Variants in PRKG1 observed in about 807,000 individuals in gnomAD.
The protein encoded by PRKG1 is cGMP-dependent protein kinase 1.
A neutral mutation model predicts 88.1 loss-of-function variants in PRKG1; 35 were observed. The observed-to-expected ratio is 0.40, with a 90% confidence interval of 0.30 to 0.53. The LOEUF (loss-of-function observed/expected upper bound fraction) is 0.53. Ranked by LOEUF, PRKG1 falls within the 20% of genes least tolerant of loss-of-function variation. The pLI is 0.59. For missense variants in PRKG1, 540 were observed against 839.8 expected, an observed-to-expected ratio of 0.64 and a Z score of 4.41; for synonymous variants, 303 against 292.5, an observed-to-expected ratio of 1.04 and a Z score of -0.37.
chr10:52,223,003 C>G (rs1394093510), intron 9 of PRKG1, among the ~76,000 whole-genome samples: 2 of 152,138 alleles, frequency 1.3e-5, no homozygotes, highest in African/African-American at 4.8e-5. Flanking sequence ...TAACATTTCA[C>G]TGTGTACCAG....
At chr10:52,175,830 T>G (rs1047818814) in intron 9 of PRKG1, among the ~76,000 whole-genome samples, 1 of 152,198 alleles carries the variant, frequency 6.6e-6, no homozygotes, top group African/African-American at 2.4e-5. Flanking sequence ...TTGCCCATTT[T>G]TTAATCCCAT....
intron 2 of PRKG1, among the ~76,000 whole-genome samples, chr10:51,166,916 A>G (rs1168412417): frequency 6.6e-6 from 1 of 152,130 alleles, no homozygotes; most frequent in Non-Finnish European, 1.5e-5. Flanking sequence ...TATATAATGA[A>G]CTTCCTTTTG....
intron 2 of PRKG1, among the ~76,000 whole-genome samples, chr10:51,267,535 G>A (rs1205696258): frequency 1.3e-5 from 2 of 151,930 alleles, no homozygotes; most frequent in Non-Finnish European, 2.9e-5. Flanking sequence ...TACTAAGCTG[G>A]TTTACTACAG....
chr10:51,573,898 T>A (rs1837819698), intron 3 of PRKG1, among the ~76,000 whole-genome samples: 1 of 151,944 alleles, frequency 6.6e-6, no homozygotes, highest in Non-Finnish European at 1.5e-5. Context: ...TAGACTGGGT[T>A]GTAAACCACT....
chr10:51,290,534 C>T (rs1287897393), intron 2 of PRKG1, among the ~76,000 whole-genome samples: 1 of 152,100 alleles, frequency 6.6e-6, no homozygotes, highest in Non-Finnish European at 1.5e-5. Context: ...CCACTTAGCT[C>T]TCAAATCTAT....
At chr10:51,705,521 T>A (rs1462169146) in intron 3 of PRKG1, among the ~76,000 whole-genome samples, 1 of 152,250 alleles carries the variant, frequency 6.6e-6, no homozygotes, top group Non-Finnish European at 1.5e-5. Flanking sequence ...AATTGTTTCC[T>A]GATTTTTAAC....
Position 52,280,935 on chromosome 10 carries a change from G to A in PRKG1, c.1545+5G>A. ...CACCGAGGTTATGCCAAACTGGTCA[G>A]TGCATTTCATACGTGCTTTCTGCCC... is the stretch of plus-strand genomic sequence containing the variant. On this transcript the variant is annotated splice_donor_5th_base_variant and intron_variant, in intron 13 of 17. Transcript: ENST00000373980. 6.2e-7 allele frequency: 1 copy of A among 1,611,860 alleles called. No individual in the cohort carries two copies.
chr10:51,811,890 C>T (rs770947996), intron 4 of PRKG1, among the ~76,000 whole-genome samples: 1 of 152,178 alleles, frequency 6.6e-6, no homozygotes, highest in Non-Finnish European at 1.5e-5. Context: ...ACCTGATGCT[C>T]ATGCAGCTAG....
intron 7 of PRKG1, among the ~76,000 whole-genome samples, chr10:52,070,390 A>G (rs1443796331): frequency 1.3e-5 from 2 of 152,206 alleles, no homozygotes; most frequent in African/African-American, 2.4e-5. Flanking sequence ...ATTCCTTTGT[A>G]GGTAAACTGT....
chr10:51,912,940 T>C (rs981306909), intron 5 of PRKG1, among the ~76,000 whole-genome samples: 2 of 145,018 alleles, frequency 1.4e-5, no homozygotes, highest in East Asian at 1.9e-4. Context: ...TTTATTATTA[T>C]TTTTTTGAGA....
At chr10:51,306,307 G>C (rs1335950065) in intron 2 of PRKG1, among the ~76,000 whole-genome samples, 1 of 152,110 alleles carries the variant, frequency 6.6e-6, no homozygotes, top group African/African-American at 2.4e-5. Flanking sequence ...TCACAGGCGA[G>C]AATGACAAGT....
At chr10:51,503,128 T>C (rs1841081040) in intron 3 of PRKG1, among the ~76,000 whole-genome samples, 1 of 152,126 alleles carries the variant, frequency 6.6e-6, no homozygotes, top group East Asian at 1.9e-4. Flanking sequence ...TTGTTAGCCA[T>C]CTTGAACGTA....
At chr10:50,992,523 G>A (rs1490570345) in intron 1 of PRKG1, among the ~76,000 whole-genome samples, 2 of 152,102 alleles carry the variant, frequency 1.3e-5, no homozygotes, top group East Asian at 3.9e-4. Context: ...CCCTGGAAAA[G>A]TTGGGATGAA....
rs73333888 is a variant in PRKG1, at chr10:51,123,388, A to G, written c.312-29776A>G. On this transcript the variant is annotated intron_variant, in intron 1 of 17. Coordinates refer to ENST00000373980, the MANE Select transcript of PRKG1 (RefSeq NM_006258.4). ...CGTATTAGGCCTTTCTTGCGTTGCTATAAATAAATACCTGAGCCCGGGCCT... is the reference window on the plus strand; with the variant it reads ...CGTATTAGGCCTTTCTTGCGTTGCTGTAAATAAATACCTGAGCCCGGGCCT... 6.0e-3 allele frequency among the ~76,000 whole-genome samples: 912 copies of G among 152,256 alleles called. 16 individuals are homozygous for G. The highest frequency in any genetic ancestry group is 0.021 in the African/African-American group (864 of 41,546).
At chr10:50,994,140 C>T (rs1051379251) in intron 1 of PRKG1, among the ~76,000 whole-genome samples, 1 of 152,116 alleles carries the variant, frequency 6.6e-6, no homozygotes. Flanking sequence ...CAAGCTGACT[C>T]ATTAGAGTTT....
intron 1 of PRKG1, among the ~76,000 whole-genome samples, chr10:51,014,214 G>C (rs889287688): frequency 6.6e-6 from 1 of 151,984 alleles, no homozygotes; most frequent in African/African-American, 2.4e-5. Flanking sequence ...AATCTGCCAT[G>C]TTGCTTCCTG....
At chr10:51,016,278 C>T (rs1240005798) in intron 1 of PRKG1, among the ~76,000 whole-genome samples, 2 of 152,144 alleles carry the variant, frequency 1.3e-5, no homozygotes, top group African/African-American at 2.4e-5. Context: ...ATTACTCTGC[C>T]AGCTCTGTGT....
chr10:51,919,652 A>G (rs1239598750), intron 5 of PRKG1, among the ~76,000 whole-genome samples: 1 of 150,690 alleles, frequency 6.6e-6, no homozygotes, highest in Non-Finnish European at 1.5e-5. Context: ...ATGTTCTTTA[A>G]GGTCAAATTG....
At chr10:51,997,485 A>G (rs1016696313) in intron 5 of PRKG1, among the ~76,000 whole-genome samples, 5 of 151,274 alleles carry the variant, frequency 3.3e-5, no homozygotes, top group Admixed American at 6.6e-5. Flanking sequence ...AAAAAAAAAA[A>G]AGAAAGAAAT....
Sources: allele counts gnomAD v4.1 joint callset (sites outside exome capture counted in the v4.1 genomes callset), GRCh38; gene constraint gnomAD v4.1.1; transcripts MANE v1.5; gene names NCBI Gene and HGNC (gene_info 2026-07-23, HGNC 2026-07-21).